The following ANGPT2 variants were observed in gnomAD, a reference collection of about 807,000 sequenced individuals.
ANGPT2 encodes angiopoietin 2.
A neutral mutation model predicts 62.9 loss-of-function variants in ANGPT2; 28 were observed. The observed-to-expected ratio is 0.44, with a 90% CI of 0.33 to 0.61. The LOEUF is 0.61. ANGPT2 is among the 20% of genes least tolerant of loss of function. ANGPT2 has a pLI of 0.03. For missense variants in ANGPT2, 727 were observed against 594.9 expected, an observed-to-expected ratio of 1.22 and a Z score of -2.31; for synonymous variants, 284 against 207.8, an observed-to-expected ratio of 1.37 and a Z score of -3.15.
At position 6,537,571 on chromosome 8, in the gene ANGPT2, A is replaced by AAT. The variant is rs920888606; in HGVS notation, c.289-5086_289-5085dup. 5.3e-5 allele frequency among the ~76,000 whole-genome samples: 8 copies of AAT among 151,312 alleles called. No homozygotes were observed. In the South Asian group the frequency reaches 6.3e-4, roughly 12 times the overall value. ...ATATATATATATATATGTTTACATTAATATATATATATTTTAGTGCAAAAT... is the reference window on the plus strand; with the variant it reads ...ATATATATATATATATGTTTACATTAATATATATATATATTTTAGTGCAAAAT... On this transcript the variant is annotated intron_variant, in intron 1 of 8. Transcript: ENST00000629816.
intron 1 of ANGPT2, among the ~76,000 whole-genome samples, chr8:6,540,189 C>T (rs1821288276): frequency 6.6e-6 from 1 of 152,128 alleles, no homozygotes; most frequent in African/African-American, 2.4e-5. Flanking sequence ...TAATTTTTTT[C>T]ACATATATTT....
At chr8:6,503,360 C>G in intron 8 of ANGPT2, 99 bp from the exon 9 acceptor site, 2 of 1,269,984 alleles carry the variant, frequency 1.6e-6, no homozygotes, top group Non-Finnish European at 2.2e-6. Flanking sequence ...ACACTGCAGG[C>G]GTGTGGAGTA....
In ANGPT2 at chr8:6,513,706, A is replaced by T. The variant is rs766886825; in HGVS notation, c.1168T>A (p.Tyr390Asn). ...TAATTGAGTTCTTCACTTGAGAGAT[A>T]GAAATGTTCATACAATGAGTAAGCC... ...NEAYSLYEHF[Y>N]LSSEELNYRI... The change falls in exon 7 of 9, where the codon TAT (tyrosine) becomes AAT (asparagine). Residue 390 changes from tyrosine to asparagine, a missense_variant. Physicochemically the swap from Tyr to Asn is moderately radical, Grantham distance 143. Transcript: ENST00000629816. 3.7e-6 allele frequency: 6 copies of T among 1,612,826 alleles called. 1 individual carries two copies. In the South Asian group the frequency reaches 6.6e-5, roughly 18 times the overall value.
At chr8:6,521,839 A>G (rs1185212872) in intron 3 of ANGPT2, among the ~76,000 whole-genome samples, 1 of 152,206 alleles carries the variant, frequency 6.6e-6, no homozygotes, top group Non-Finnish European at 1.5e-5. Context: ...TAAACTATTT[A>G]TATTTTAATA....
At chr8:6,554,960 A>C (rs1164745759) in intron 1 of ANGPT2, among the ~76,000 whole-genome samples, 1 of 152,232 alleles carries the variant, frequency 6.6e-6, no homozygotes, top group East Asian at 1.9e-4. Context: ...TATCTAATTA[A>C]AATATTAAAG....
At chr8:6,531,115 C>T (rs568649831) in intron 2 of ANGPT2, among the ~76,000 whole-genome samples, 177 of 152,168 alleles carry the variant, frequency 1.2e-3, no homozygotes, top group African/African-American at 4.1e-3. Flanking sequence ...GTCACGACCA[C>T]GGCCTTGAGC....
chr8:6,514,144 T>C (rs571904227), intron 6 of ANGPT2, among the ~76,000 whole-genome samples: 1 of 152,266 alleles, frequency 6.6e-6, no homozygotes, highest in East Asian at 1.9e-4. Flanking sequence ...CATTAAACAG[T>C]CGGCTTACCA....
chr8:6,505,396 T>TAGAATATATATATTCTTTATATACATAA lies in ANGPT2; in HGVS notation c.1328-2163_1328-2136dup, dbSNP rs1563306818. Among the ~76,000 whole-genome samples, 46 of 55,766 alleles carry TAGAATATATATATTCTTTATATACATAA rather than the reference T, an allele frequency of 8.2e-4. 5 individuals carry two copies. Among genetic ancestry groups the TAGAATATATATATTCTTTATATACATAA allele is most frequent in the Non-Finnish European group, 1.1e-3 (27 of 25,066 alleles). 36.6% of individuals were successfully genotyped at this position (55,766 alleles called of 152,430 possible). On this transcript the variant is annotated intron_variant, in intron 8 of 8. Coordinates refer to ENST00000629816, the MANE Select transcript of ANGPT2 (RefSeq NM_001118887.2). ...TATATATATTCTTTCTATATGTATATAGAATATATATATTCTTTATATACA... is the reference window on the plus strand; with the variant it reads ...TATATATATTCTTTCTATATGTATATAGAATATATATATTCTTTATATACATAAAGAATATATATATTCTTTATATACA...
chr8:6,502,544 A>C lies in ANGPT2; in HGVS notation c.*557T>G, dbSNP rs1563299129. The C allele has an allele frequency of 6.6e-6, 1 of 152,234 alleles. No individual in the cohort carries two copies. Among genetic ancestry groups the C allele is most frequent in the Admixed American group, 6.5e-5 (1 of 15,280 alleles). The allele number at this position is 152,234 out of a possible 1,614,324, so 9.4% of individuals were successfully genotyped here. ...TTAAAGCACCTAAGAGATGGAGTAA[A>C]AATGCACTAACTGTTTTTCCAAATA... On this transcript the variant is annotated 3_prime_UTR_variant, in exon 9 of 9. Transcript: ENST00000629816.
At chr8:6,507,545 C>G (rs868637240) in intron 8 of ANGPT2, 9 of 147,920 alleles carry the variant, frequency 6.1e-5, no homozygotes, top group Non-Finnish European at 1.3e-4. Context: ...AAACTTTTAA[C>G]AAATCAGAAA....
At chr8:6,516,215 C>T (rs988393723) in intron 5 of ANGPT2, among the ~76,000 whole-genome samples, 1 of 152,212 alleles carries the variant, frequency 6.6e-6, no homozygotes, top group African/African-American at 2.4e-5. Flanking sequence ...CTTGTTACCG[C>T]TCTGTATTGC....
Position 6,514,722 on chromosome 8 carries a change from C to A in ANGPT2, c.984G>T (p.Glu328Asp). 2 of 1,614,102 alleles carry A rather than the reference C, an allele frequency of 1.2e-6. No individual in the cohort carries two copies. The highest frequency in any genetic ancestry group is 1.7e-6 in the Non-Finnish European group (2 of 1,180,024). ...TCCTCTGAAAATCAACGCTGCCATC[C>A]TCACGTCGCTGAATAATTGTCCACC... ...GGGWTIIQRR[E>D]DGSVDFQRTW... Residue 328 changes from glutamate (E) to aspartate (D), a missense_variant, in exon 6 of 9, where the codon GAG becomes GAT. By Grantham distance (45) the Glu-to-Asp change is conservative. Coordinates refer to ENST00000629816, the MANE Select transcript of ANGPT2 (RefSeq NM_001118887.2).
chr8:6,522,276 T>C (rs898839009), intron 3 of ANGPT2, among the ~76,000 whole-genome samples: 2 of 150,138 alleles, frequency 1.3e-5, no homozygotes, highest in Admixed American at 6.6e-5. Flanking sequence ...AATGGCGTGA[T>C]CTCGGGAGGC....
intron 1 of ANGPT2, among the ~76,000 whole-genome samples, chr8:6,544,256 A>G (rs554018217): frequency 1.9e-4 from 29 of 152,326 alleles, no homozygotes; most frequent in Admixed American, 1.8e-3. Flanking sequence ...GACCATAGAA[A>G]ACCCCATAAA....
At chr8:6,519,039 A>G (rs1238030576) in intron 5 of ANGPT2, among the ~76,000 whole-genome samples, 1 of 152,226 alleles carries the variant, frequency 6.6e-6, no homozygotes, top group East Asian at 1.9e-4. Context: ...TGCTGTGAGT[A>G]CTGACTGTCC....
intron 3 of ANGPT2, among the ~76,000 whole-genome samples, chr8:6,522,903 A>G (rs1164826693): frequency 6.6e-6 from 1 of 152,184 alleles, no homozygotes; most frequent in Non-Finnish European, 1.5e-5. Context: ...CTCTCCTTTT[A>G]ATGTGGCCCC....
At chr8:6,558,006 T>A (rs1474403389) in intron 1 of ANGPT2, among the ~76,000 whole-genome samples, 3 of 152,132 alleles carry the variant, frequency 2.0e-5, no homozygotes, top group African/African-American at 7.2e-5. Context: ...TCACAGGTGG[T>A]GTCTCTGTCT....
At chr8:6,520,848 A>G (rs907111241) in intron 4 of ANGPT2, among the ~76,000 whole-genome samples, 1 of 152,192 alleles carries the variant, frequency 6.6e-6, no homozygotes, top group Non-Finnish European at 1.5e-5. Context: ...TGGGTCTGAT[A>G]TTATTTTTCC....
intron 2 of ANGPT2, among the ~76,000 whole-genome samples, chr8:6,527,899 A>ATTTTTTTTTTT (rs71213313): frequency 0.19 from 24,168 of 129,550 alleles, 2,998 homozygotes; most frequent in Non-Finnish European, 0.27. Flanking sequence ...CCACGTCTCT[A>ATTTTTTTTTTT]TTTTTTTTTT....
Sources: allele counts gnomAD v4.1 joint callset (sites outside exome capture counted in the v4.1 genomes callset), GRCh38; gene constraint gnomAD v4.1.1; transcripts MANE v1.5; gene names NCBI Gene and HGNC (gene_info 2026-07-23, HGNC 2026-07-21).